The following DEGS1 variants were observed in gnomAD, a reference collection of about 807,000 sequenced individuals.
DEGS1 encodes sphingolipid delta(4)-desaturase DES1.
Under a neutral mutation model 24.1 loss-of-function variants are expected in DEGS1, and 17 were observed. The ratio of observed to expected loss-of-function variants is 0.70; its 90% CI spans 0.48 to 1.06. The LOEUF is 1.06. Among genes scored for constraint, DEGS1 ranks in the 50% least tolerant of loss-of-function variants. The pLI, the probability that DEGS1 is intolerant of heterozygous loss-of-function variation, is 0.00. For missense variants in DEGS1, 366 were observed against 408.9 expected, an observed-to-expected ratio of 0.90 and a Z score of 0.91; for synonymous variants, 134 against 140.0, an observed-to-expected ratio of 0.96 and a Z score of 0.30.
rs1443748845 is a variant in DEGS1 at position 224,189,672 on chromosome 1, A to G, written c.178A>G (p.Ile60Val). ...MVLTQLGAFY[I>V]VKDLDWKWVI... The stretch of plus-strand genomic sequence containing the variant: ...TCTCACCCAGTTGGGTGCATTTTAC[A>G]TAGTAAAAGACTTGGACTGGAAATG... The change falls in exon 2 of 3, where the codon ATA (isoleucine) becomes GTA (valine). Residue 60 changes from isoleucine (I) to valine (V), a missense_variant. Ile to Val is a conservative substitution (Grantham distance 29). Coordinates refer to ENST00000323699, the MANE Select transcript of DEGS1 (RefSeq NM_003676.4). 11 of 1,614,062 alleles carry G rather than the reference A, an allele frequency of 6.8e-6. No homozygotes were observed. The highest frequency in any genetic ancestry group is 9.3e-6 in the Non-Finnish European group (11 of 1,180,006).
In DEGS1 at chr1:224,189,656, G is replaced by C; in HGVS notation, c.162G>C (p.Gln54His). ...TTATAATTATGATGGTTCTCACCCA[G>C]TTGGGTGCATTTTACATAGTAAAAG... ...IWIIIMMVLT[Q>H]LGAFYIVKDL... The change falls in exon 2 of 3, where the codon CAG (glutamine) becomes CAC (histidine). Residue 54 changes from glutamine (Q) to histidine (H), a missense_variant. Transcript: ENST00000323699. 1.2e-6 allele frequency: 2 copies of C among 1,613,912 alleles called. No individual in the cohort carries two copies. Among genetic ancestry groups the C allele is most frequent in the South Asian group, 2.2e-5 (2 of 91,074 alleles).
intron 1 of DEGS1, among the ~76,000 whole-genome samples, chr1:224,185,805 ATT>A (rs1042210411): frequency 6.6e-6 from 1 of 152,126 alleles, no homozygotes; most frequent in Non-Finnish European, 1.5e-5. Flanking sequence ...CATATGATAT[ATT>A]TTATCAATGC....
intron 2 of DEGS1, among the ~76,000 whole-genome samples, chr1:224,191,702 C>T (rs1287636902): frequency 7.2e-6 from 1 of 139,388 alleles, no homozygotes; most frequent in Admixed American, 8.0e-5. Context: ...TCAAGCAATT[C>T]TCCTATCTCA....
At chr1:224,189,521 T>C (rs1572042879) in intron 1 of DEGS1, 56 bp from the exon 2 acceptor site, 4 of 1,293,324 alleles carry the variant, frequency 3.1e-6, no homozygotes, top group Non-Finnish European at 4.3e-6. Context: ...TTAATTATAA[T>C]TGGTGAACTA....
chr1:224,192,467 G>A lies in DEGS1; in HGVS notation c.961G>A (p.Val321Met). ...GAAGAGGCACCAAAAAGGAGAGATG[G>A]TGCTGGAGTAAATATCATTAGTGCC... The part of the protein sequence containing the change: ...RMKRHQKGEM[V>M]LE The change falls in exon 3 of 3, where the codon GTG (valine) becomes ATG (methionine). Residue 321 changes from valine to methionine, a missense_variant. Coordinates refer to ENST00000323699, the MANE Select transcript of DEGS1 (RefSeq NM_003676.4). The A allele has an allele frequency of 6.2e-7, 1 of 1,608,326 alleles. No individual in the cohort carries two copies. Among genetic ancestry groups the A allele is most frequent in the Non-Finnish European group, 8.5e-7 (1 of 1,178,544 alleles).
Position 224,190,087 on chromosome 1 carries a change from T to G in DEGS1, c.593T>G (p.Ile198Ser). The G allele has an allele frequency of 6.2e-7, 1 of 1,613,728 alleles. No individual in the cohort carries two copies. Among genetic ancestry groups the G allele is most frequent in the Non-Finnish European group, 8.5e-7 (1 of 1,179,924 alleles). The change falls in exon 2 of 3, where the codon ATT (isoleucine) becomes AGT (serine). Residue 198 changes from isoleucine to serine, a missense_variant. Coordinates refer to ENST00000323699, the MANE Select transcript of DEGS1 (RefSeq NM_003676.4). ...ACCGTGGCACAGGTCACTTTTGACA[T>G]TTTAATTTATTACTTTTTGGGAATT... ...INTVAQVTFD[I>S]LIYYFLGIKS...
At chr1:224,186,935 A>G (rs1327281453) in intron 1 of DEGS1, among the ~76,000 whole-genome samples, 1 of 152,164 alleles carries the variant, frequency 6.6e-6, no homozygotes, top group Non-Finnish European at 1.5e-5. Flanking sequence ...GGGGCCTGAT[A>G]GAACAACCAA....
chr1:224,189,513 A>G, intron 1 of DEGS1, 64 bp from the exon 2 acceptor site: 1 of 1,246,052 alleles, frequency 8.0e-7, no homozygotes, highest in Non-Finnish European at 1.1e-6. Flanking sequence ...GTGTTAATTT[A>G]ATTATAATTG....
chr1:224,188,636 C>T (rs79793257), intron 1 of DEGS1, among the ~76,000 whole-genome samples: 13 of 152,198 alleles, frequency 8.5e-5, no homozygotes, highest in East Asian at 7.7e-4. Flanking sequence ...TGACTGTTTC[C>T]GTATCTTTTG....
intron 1 of DEGS1, among the ~76,000 whole-genome samples, chr1:224,185,018 TGAG>T (rs1309419890): frequency 2.5e-5 from 2 of 80,246 alleles, no homozygotes; most frequent in African/African-American, 4.7e-5. Flanking sequence ...TTTTTTAAAT[TGAG>T]GAAACGGTGA....
At position 224,192,352 on chromosome 1, in the gene DEGS1, A is replaced by G; in HGVS notation, c.846A>G (p.Glu282=). The part of the protein sequence containing the change: ...SLPLVRKIAA[E]YYDNLPHYNS... ...TCTAGGTGAGGAAAATAGCAGCTGAATACTATGACAACCTCCCTCACTACA... is the reference window on the plus strand; with the variant it reads ...TCTAGGTGAGGAAAATAGCAGCTGAGTACTATGACAACCTCCCTCACTACA... Residue 282 remains glutamate (E), a synonymous_variant, in exon 3 of 3, where the codon GAA becomes GAG. Transcript: ENST00000323699. 1 of 1,612,930 alleles carries G rather than the reference A, an allele frequency of 6.2e-7. No individual in the cohort carries two copies. The highest frequency in any genetic ancestry group is 8.5e-7 in the Non-Finnish European group (1 of 1,179,750).
chr1:224,183,469 G>A (rs1472002995), intron 1 of DEGS1, 51 bp downstream of exon 1: 1 of 1,253,372 alleles, frequency 8.0e-7, no homozygotes, highest in African/African-American at 1.6e-5. Context: ...TCCCGGCGCC[G>A]GGGCGCGCTC....
chr1:224,192,246 A>G, intron 2 of DEGS1, 86 bp from the exon 3 acceptor site: 1 of 1,173,152 alleles, frequency 8.5e-7, no homozygotes, highest in Non-Finnish European at 1.2e-6. Flanking sequence ...TTCCCTTCTC[A>G]GTGTTTGTGT....
At chr1:224,187,567 C>G (rs1658428226) in intron 1 of DEGS1, among the ~76,000 whole-genome samples, 1 of 152,128 alleles carries the variant, frequency 6.6e-6, no homozygotes, top group Admixed American at 6.6e-5. Flanking sequence ...TTTGCCCAGG[C>G]TGGTCTTGAA....
At position 224,183,311 on chromosome 1, in the gene DEGS1, C is replaced by A; in HGVS notation, c.-26C>A. The A allele has an allele frequency of 6.8e-7, 1 of 1,477,480 alleles. No homozygotes were observed. 91.5% of individuals were successfully genotyped at this position (1,477,480 alleles called of 1,614,324 possible). ...GCCGGCTGGGAGCGAGAGCCGACAG[C>A]TAGTCTGCAAGCCACCGCTGTCGCC... is the stretch of plus-strand genomic sequence containing the variant. On this transcript the variant is annotated 5_prime_UTR_variant, in exon 1 of 3. Transcript: ENST00000323699.
chr1:224,184,960 GC>G (rs982736233), intron 1 of DEGS1, among the ~76,000 whole-genome samples: 4 of 124,066 alleles, frequency 3.2e-5, no homozygotes, highest in African/African-American at 1.2e-4. Context: ...CATAGTGAGA[GC>G]CCCCCGTTTA....
At position 224,193,323 on chromosome 1, in the gene DEGS1, G is replaced by T. The variant is rs1658594540; in HGVS notation, c.*845G>T. 6.6e-6 allele frequency: 1 copy of T among 152,168 alleles called. No homozygotes were observed. Among genetic ancestry groups the T allele is most frequent in the African/African-American group, 2.4e-5 (1 of 41,434 alleles). The allele number at this position is 152,168 out of a possible 1,614,324, so 9.4% of individuals were successfully genotyped here. ...GATTGAGATGAAAATATATTTCCCT[G>T]TAAGCTGAATTACTCATTTAAAAAT... is the stretch of plus-strand genomic sequence containing the variant. On this transcript the variant is annotated 3_prime_UTR_variant, in exon 3 of 3. Transcript: ENST00000323699.
intron 1 of DEGS1, among the ~76,000 whole-genome samples, chr1:224,184,810 C>T (rs929404085): frequency 6.6e-6 from 1 of 152,072 alleles, no homozygotes; most frequent in South Asian, 2.1e-4. Flanking sequence ...ACCACCGTGC[C>T]CGGCCAGAGC....
intron 2 of DEGS1, among the ~76,000 whole-genome samples, chr1:224,192,094 G>A (rs1476556320): frequency 6.6e-6 from 1 of 152,038 alleles, no homozygotes; most frequent in Non-Finnish European, 1.5e-5. Flanking sequence ...CCCTTGGAAT[G>A]TGATGGGAGA....
Sources: allele counts gnomAD v4.1 joint callset (sites outside exome capture counted in the v4.1 genomes callset), GRCh38; gene constraint gnomAD v4.1.1; transcripts MANE v1.5; gene names NCBI Gene and HGNC (gene_info 2026-07-23, HGNC 2026-07-21).